Variants in DOK2 observed in about 807,000 individuals in gnomAD.
DOK2 encodes docking protein 2.
In DOK2, 28 loss-of-function variants were observed where a neutral mutation model predicts 26.0. That is an observed-to-expected ratio of 1.08 (90% confidence interval 0.80 to 1.48). DOK2 has a LOEUF of 1.48. Ranked by LOEUF, DOK2 falls within the 40% of genes most tolerant of loss-of-function variation. The pLI, the probability that DOK2 is intolerant of heterozygous loss-of-function variation, is 0.00. For synonymous variants in DOK2, 282 were observed against 236.9 expected, an observed-to-expected ratio of 1.19 and a Z score of -1.75; for missense variants, 682 against 558.2, an observed-to-expected ratio of 1.22 and a Z score of -2.23.
At position 21,911,976 on chromosome 8, in the gene DOK2, C is replaced by T; in HGVS notation, c.358G>A (p.Glu120Lys). The change falls in exon 3 of 5, where the codon GAG (glutamate) becomes AAG (lysine). Residue 120 changes from glutamate (E) to lysine (K), a missense_variant. Physicochemically the swap from Glu to Lys is moderately conservative, Grantham distance 56. Transcript: ENST00000276420. Reference protein sequence around the residue: ...CLLAFPGQRKELSGPEGKQSR... With the variant: ...CLLAFPGQRKKLSGPEGKQSR... The stretch of plus-strand genomic sequence containing the variant: ...TGCTTTCCCTCTGGCCCCGAGAGCT[C>T]CTTCCTCTGCCCCTAGGGAGGAGGC... The T allele has an allele frequency of 6.4e-7, 1 of 1,552,990 alleles. No homozygotes were observed. Among genetic ancestry groups the T allele is most frequent in the Non-Finnish European group, 8.7e-7 (1 of 1,148,648 alleles).
Position 21,909,078 on chromosome 8 carries a change from AGAG to A in DOK2, c.*230_*232del. On this transcript the variant is annotated 3_prime_UTR_variant, in exon 5 of 5. Coordinates refer to ENST00000276420, the MANE Select transcript of DOK2 (RefSeq NM_003974.4). ...GGTTCCTCCTCAGCTGGGGAAAGAA[AGAG>A]GAGGAAGTGGAAAAAGAGTAGGAGG... The A allele has an allele frequency of 2.3e-6, 1 of 438,050 alleles. No individual in the cohort carries two copies. The highest frequency in any genetic ancestry group is 4.0e-6 in the Non-Finnish European group (1 of 247,004). 27.1% of individuals were successfully genotyped at this position (438,050 alleles called of 1,614,324 possible). A position where few individuals can be genotyped will look rare whatever the true frequency, so the allele number is the denominator to read the frequency against.
At chr8:21,912,094 T>A (rs553962295) in intron 2 of DOK2, 106 bp from the exon 3 acceptor site, 1 of 1,473,616 alleles carries the variant, frequency 6.8e-7, no homozygotes, top group African/African-American at 1.4e-5. Context: ...GTCTGCACAC[T>A]GGGTTCGGGT....
intron 1 of DOK2, among the ~76,000 whole-genome samples, chr8:21,912,871 A>G (rs1037846241): frequency 6.6e-6 from 1 of 152,210 alleles, no homozygotes; most frequent in Non-Finnish European, 1.5e-5. Context: ...CGAGGCCCAG[A>G]GGAGGGAGTG....
At chr8:21,910,924 C>T (rs542580793) in intron 3 of DOK2, 67 bp from the exon 4 acceptor site, 4 of 1,489,580 alleles carry the variant, frequency 2.7e-6, no homozygotes, top group Non-Finnish European at 2.7e-6. Context: ...CTCACCACTG[C>T]CCAGTTCTAA....
rs202013016 is a variant in DOK2, at chr8:21,909,460, G to C, written c.1090C>G (p.Arg364Gly). 1.9e-6 allele frequency: 3 copies of C among 1,613,372 alleles called. No individual in the cohort carries two copies. The highest frequency in any genetic ancestry group is 2.7e-5 in the African/African-American group (2 of 74,918). The change falls in exon 5 of 5, where the codon CGG (arginine) becomes GGG (glycine). Residue 364 changes from arginine (R) to glycine (G), a missense_variant. Coordinates refer to ENST00000276420, the MANE Select transcript of DOK2 (RefSeq NM_003974.4). ...LSLYDSPQEP[R>G]GEAWRRQATA... ...GCCTGCCTCCTCCATGCCTCACCCC[G>C]GGGCTCCTGCGGGCTGTCATAGAGG...
intron 4 of DOK2, among the ~76,000 whole-genome samples, chr8:21,910,377 C>G (rs1809791568): frequency 6.6e-6 from 1 of 152,118 alleles, no homozygotes; most frequent in Non-Finnish European, 1.5e-5. Context: ...TCTGTGCTTT[C>G]CCCTACAGGC....
chr8:21,909,648 A>G lies in DOK2; in HGVS notation c.902T>C (p.Val301Ala). 2 of 1,613,154 alleles carry G rather than the reference A, an allele frequency of 1.2e-6. No individual in the cohort carries two copies. Among genetic ancestry groups the G allele is most frequent in the Non-Finnish European group, 1.7e-6 (2 of 1,180,038 alleles). ...GGAACGGGCCACCGCATCGAAGGGC[A>G]CGGCATACTCCCCCTCCTGGCCCCG... ...RPRGQEGEYA[V>A]PFDAVARSLG... The change falls in exon 5 of 5, where the codon GTG becomes GCG. Residue 301 changes from valine (V) to alanine (A), a missense_variant. By Grantham distance (64) the Val-to-Ala change is moderately conservative. Coordinates refer to ENST00000276420, the MANE Select transcript of DOK2 (RefSeq NM_003974.4).
chr8:21,912,815 C>A (rs2117209285), intron 1 of DOK2, among the ~76,000 whole-genome samples: 1 of 152,292 alleles, frequency 6.6e-6, no homozygotes, highest in South Asian at 2.1e-4. Context: ...GCCAAACAGG[C>A]CCACCGCAGT....
rs891246126 is a variant in DOK2 at position 21,909,703 on chromosome 8, G to C, written c.847C>G (p.Pro283Ala). 6.2e-7 allele frequency: 1 copy of C among 1,613,348 alleles called. No individual in the cohort carries two copies. The highest frequency in any genetic ancestry group is 1.7e-5 in the Admixed American group (1 of 60,020). The change falls in exon 5 of 5, where the codon CCC becomes GCC. Residue 283 changes from proline to alanine, a missense_variant. Pro to Ala is a conservative substitution (Grantham distance 27). Transcript: ENST00000276420. The part of the protein sequence containing the change: ...RPHDSLPPPS[P>A]TTPVPAPRPR... ...CGTGGAGCAGGCACCGGTGTGGTGG[G>C]TGAAGGCGGCGGCAGTGAGTCATGC... is the stretch of plus-strand genomic sequence containing the variant.
chr8:21,908,930 C>G lies in DOK2; in HGVS notation c.*381G>C. On this transcript the variant is annotated 3_prime_UTR_variant, in exon 5 of 5. Transcript: ENST00000276420. ...TCTGAAAGGTGCAGGAAGCTGCCGC[C>G]ATCCCCCTGGGTGCCTGGGCCCAGG... The G allele has an allele frequency of 5.6e-6, 1 of 177,458 alleles. No homozygotes were observed. The highest frequency in any genetic ancestry group is 1.2e-5 in the Non-Finnish European group (1 of 85,250). 11.0% of individuals were successfully genotyped at this position (177,458 alleles called of 1,614,324 possible). A position where few individuals can be genotyped will look rare whatever the true frequency, so the allele number is the denominator to read the frequency against.
rs748699034 is a variant in DOK2, at chr8:21,913,507, C to T, written c.63+32G>A. ...GGAATTCTAGCAGCCTCCCAGGCCC[C>T]CTGCCCAACCCCAGCCCAGCCTCAC... On this transcript the variant is annotated intron_variant, in intron 1 of 4. Coordinates refer to ENST00000276420, the MANE Select transcript of DOK2 (RefSeq NM_003974.4). The T allele has an allele frequency of 1.2e-5, 20 of 1,613,506 alleles. 1 individual carries two copies. The South Asian group carries it at 2.1e-4, about 17-fold the overall frequency.
chr8:21,909,243 G>C lies in DOK2; in HGVS notation c.*68C>G, dbSNP rs1267693014. On this transcript the variant is annotated 3_prime_UTR_variant, in exon 5 of 5. Transcript: ENST00000276420. ...CAGAAGGGGCAGAGGAGGTTCTTCT[G>C]ATGCAGTGGCCAGGAGGAGTCACCA... The C allele has an allele frequency of 6.7e-7, 1 of 1,500,370 alleles. No homozygotes were observed. 92.9% of individuals were successfully genotyped at this position (1,500,370 alleles called of 1,614,324 possible). A position where few individuals can be genotyped will look rare whatever the true frequency, so the allele number is the denominator to read the frequency against.
rs777847247 is a variant in DOK2 at position 21,912,294 on chromosome 8, G to A, written c.280C>T (p.Leu94Phe). Residue 94 changes from leucine (L) to phenylalanine (F), a missense_variant, in exon 2 of 5, where the codon CTC (leucine) becomes TTC (phenylalanine). Coordinates refer to ENST00000276420, the MANE Select transcript of DOK2 (RefSeq NM_003974.4). ...CGCTCCGCTGCAGGGGCCGCCAGGA[G>A]GTACAGGCGCTCCTTGGTCTCCAGG... Reference protein sequence around the residue: ...FFLETKERLYLLAAPAAERGD... With the variant: ...FFLETKERLYFLAAPAAERGD... The A allele has an allele frequency of 1.9e-6, 3 of 1,597,568 alleles. No individual in the cohort carries two copies. The highest frequency in any genetic ancestry group is 1.7e-6 in the Non-Finnish European group (2 of 1,174,320).
At chr8:21,909,982 A>ATTTTTT in intron 4 of DOK2, 51 bp from the exon 5 acceptor site, 2 of 1,394,576 alleles carry the variant, frequency 1.4e-6, no homozygotes, top group Non-Finnish European at 9.4e-7. Context: ...GCAGGGGTGC[A>ATTTTTT]TTTTTTTTTT....
intron 1 of DOK2, 67 bp downstream of exon 1, chr8:21,913,472 C>T (rs1684764768): frequency 3.8e-6 from 6 of 1,595,772 alleles, no homozygotes; most frequent in African/African-American, 1.3e-5. Context: ...GAAACTCCCT[C>T]TCCAACCCAG....
chr8:21,910,832 C>T lies in DOK2; in HGVS notation c.459G>A (p.Val153=). The T allele has an allele frequency of 6.2e-7, 1 of 1,611,430 alleles. No individual in the cohort carries two copies. The part of the protein sequence containing the change: ...VTVGPHKEFA[V]TMRPTEASER... ...CACTGGCTTCTGTAGGTCTCATGGT[C>T]ACAGCAAATTCCTTGTGGGGGCCGA... Residue 153 remains valine (V), a synonymous_variant, in exon 4 of 5, where the codon GTG becomes GTA. Transcript: ENST00000276420.
intron 1 of DOK2, 34 bp from the exon 2 acceptor site, chr8:21,912,544 G>A (rs1354816242): frequency 1.4e-6 from 2 of 1,466,960 alleles, no homozygotes; most frequent in Non-Finnish European, 9.0e-7. Flanking sequence ...GGGGCGGGAG[G>A]GAGCCACCCA....
intron 1 of DOK2, among the ~76,000 whole-genome samples, chr8:21,912,726 A>G (rs915287375): frequency 3.9e-5 from 6 of 152,198 alleles, no homozygotes; most frequent in Non-Finnish European, 8.8e-5. Flanking sequence ...CAGCCCCGAG[A>G]AGGAGGCCCA....
chr8:21,909,906 C>T lies in DOK2; in HGVS notation c.644G>A (p.Arg215His), dbSNP rs200503110. ...DKVTFSFEAG[R>H]RCVSGEGNFE... Reference sequence around the variant, plus strand: ...GTTGCCCTCTCCAGAGACGCAGCGACGGCCTGCCTCAAAGGAAAAGGTTAC... The same window carrying T: ...GTTGCCCTCTCCAGAGACGCAGCGATGGCCTGCCTCAAAGGAAAAGGTTAC... Residue 215 changes from arginine (R) to histidine (H), a missense_variant, in exon 5 of 5, where the codon CGT becomes CAT. Physicochemically the swap from Arg to His is conservative, Grantham distance 29 (BLOSUM62 0). Coordinates refer to ENST00000276420, the MANE Select transcript of DOK2 (RefSeq NM_003974.4). 631 of 1,611,390 alleles carry T rather than the reference C, an allele frequency of 3.9e-4. 1 individual carries two copies. Among genetic ancestry groups the T allele is most frequent in the Non-Finnish European group, 5.0e-4 (584 of 1,179,462 alleles).
Sources: gnomAD v4.1 joint callset for allele counts (sites outside exome capture counted in the v4.1 genomes callset) on GRCh38, gnomAD v4.1.1 for gene constraint, MANE v1.5 for transcripts, NCBI Gene and HGNC (gene_info 2026-07-23, HGNC 2026-07-21) for gene names.